The following CENPP variants were observed in gnomAD, a reference collection of about 807,000 sequenced individuals.
CENPP encodes the protein centromere protein P.
In CENPP, 24 loss-of-function variants were observed where a neutral mutation model predicts 35.6. The ratio of observed to expected loss-of-function variants is 0.67; its 90% CI spans 0.49 to 0.95. The LOEUF is 0.95. CENPP is among the 40% of genes least tolerant of loss of function. The pLI, the probability that CENPP is intolerant of heterozygous loss-of-function variation, is 0.00. For missense variants in CENPP, 332 were observed against 345.3 expected, an observed-to-expected ratio of 0.96 and a Z score of 0.31; for synonymous variants, 120 against 125.5, an observed-to-expected ratio of 0.96 and a Z score of 0.29.
At position 92,531,185 on chromosome 9, in the gene CENPP, G is replaced by A. The variant is rs545404008; in HGVS notation, c.565-80129G>A. ...TATTTGCTTTTTATTTGTCCTACAT[G>A]TTCTATGTTCCTTTTTCTGTTTTCT... On this transcript the variant is annotated intron_variant, in intron 5 of 7. Transcript: ENST00000375587. Among the ~76,000 whole-genome samples, 68 of 152,052 alleles carry A rather than the reference G, an allele frequency of 4.5e-4. No individual in the cohort carries two copies. The Middle Eastern group carries it at 0.01, about 23-fold the overall frequency.
intron 4 of CENPP, among the ~76,000 whole-genome samples, chr9:92,357,386 TA>T (rs1841617143): frequency 6.6e-6 from 1 of 151,720 alleles, no homozygotes; most frequent in Non-Finnish European, 1.5e-5. Flanking sequence ...GAGAATGTCT[TA>T]ATTTCTCCTG....
intron 5 of CENPP, among the ~76,000 whole-genome samples, chr9:92,492,539 G>A (rs1344646686): frequency 6.6e-6 from 1 of 152,188 alleles, no homozygotes; most frequent in Non-Finnish European, 1.5e-5. Flanking sequence ...GGCTTCTAAG[G>A]AGATGTACGT....
intron 5 of CENPP, among the ~76,000 whole-genome samples, chr9:92,433,081 A>G (rs1564317673): frequency 6.6e-6 from 1 of 152,210 alleles, no homozygotes; most frequent in African/African-American, 2.4e-5. Flanking sequence ...TTTTGCTACT[A>G]TAACAGAATA....
At chr9:92,450,224 T>G (rs1258503357) in intron 5 of CENPP, among the ~76,000 whole-genome samples, 2 of 150,810 alleles carry the variant, frequency 1.3e-5, no homozygotes, top group Admixed American at 1.3e-4. Flanking sequence ...TAGGTATATC[T>G]CCTAAAGCTA....
chr9:92,346,912 A>G (rs1243556104), intron 4 of CENPP, among the ~76,000 whole-genome samples: 2 of 148,552 alleles, frequency 1.3e-5, no homozygotes, highest in African/African-American at 4.9e-5. Context: ...GAAGAGGACC[A>G]TTGTCAGGTG....
Position 92,612,629 on chromosome 9 carries a change from G to A in CENPP, c.736+15G>A. 4 of 1,604,200 alleles carry A rather than the reference G, an allele frequency of 2.5e-6. No individual in the cohort carries two copies. The highest frequency in any genetic ancestry group is 3.4e-6 in the Non-Finnish European group (4 of 1,170,956). On this transcript the variant is annotated intron_variant, in intron 7 of 7. Transcript: ENST00000375587. The stretch of plus-strand genomic sequence containing the variant: ...CCCACAGCGAGGTAGGGCCCTGGGT[G>A]TGGCTGCTCTAGGTGACTTCTCAAC...
At chr9:92,382,330 T>C (rs1842270073) in intron 5 of CENPP, among the ~76,000 whole-genome samples, 1 of 152,134 alleles carries the variant, frequency 6.6e-6, no homozygotes, top group African/African-American at 2.4e-5. Flanking sequence ...TCAGGGTAAT[T>C]AGCATTTCCA....
At chr9:92,415,109 T>C (rs1843550089) in intron 5 of CENPP, 2 of 1,399,174 alleles carry the variant, frequency 1.4e-6, no homozygotes, top group Non-Finnish European at 9.8e-7. Flanking sequence ...ATATTAAGTA[T>C]AGGTTTTGTG....
intron 5 of CENPP, among the ~76,000 whole-genome samples, chr9:92,459,308 C>T (rs1443998009): frequency 6.6e-6 from 1 of 152,238 alleles, no homozygotes; most frequent in African/African-American, 2.4e-5. Flanking sequence ...TCCATGTCCT[C>T]CTGACCAGTC....
intron 5 of CENPP, among the ~76,000 whole-genome samples, chr9:92,452,464 A>G (rs987265397): frequency 5.0e-4 from 76 of 152,234 alleles, no homozygotes; most frequent in African/African-American, 1.4e-3. Context: ...TGATCATGGT[A>G]GATAAGCTTT....
intron 4 of CENPP, among the ~76,000 whole-genome samples, chr9:92,361,304 C>T (rs1490519546): frequency 6.6e-6 from 1 of 151,598 alleles, no homozygotes; most frequent in African/African-American, 2.4e-5. Flanking sequence ...CCACATCTGG[C>T]TAATTTTTGT....
chr9:92,484,574 T>C (rs1214862808), intron 5 of CENPP, among the ~76,000 whole-genome samples: 1 of 152,196 alleles, frequency 6.6e-6, no homozygotes, highest in African/African-American at 2.4e-5. Flanking sequence ...GGGTCATGTG[T>C]ATGTATTTTT....
rs1563990161 is a variant in CENPP at position 92,532,015 on chromosome 9, G to GTTTTTTTTGTT, written c.565-79291_565-79290insGTTTTTTTTTT. 1.0e-4 allele frequency among the ~76,000 whole-genome samples: 10 copies of GTTTTTTTTGTT among 95,732 alleles called. 1 individual carries two copies. Among genetic ancestry groups the GTTTTTTTTGTT allele is most frequent in the Non-Finnish European group, 1.7e-4 (9 of 51,438 alleles). The allele number at this position is 95,732 out of a possible 152,430, so 62.8% of individuals were successfully genotyped here. On this transcript the variant is annotated intron_variant, in intron 5 of 7. Transcript: ENST00000375587. ...TTTTCTTTTTCTTTTTTTATTTAAT[G>GTTTTTTTTGTT]TTTTTTTTTTTTTATTTTATTTTTT...
At chr9:92,482,327 G>C (rs1845940449) in intron 5 of CENPP, 1 of 152,106 alleles carries the variant, frequency 6.6e-6, no homozygotes, top group Non-Finnish European at 1.5e-5. Flanking sequence ...AAAAGTAGAA[G>C]TTATCCACCA....
chr9:92,554,113 G>A (rs1486075432), intron 5 of CENPP, among the ~76,000 whole-genome samples: 2 of 152,050 alleles, frequency 1.3e-5, no homozygotes, highest in African/African-American at 4.8e-5. Flanking sequence ...AGTTTTAATC[G>A]TAAAGCGATG....
chr9:92,542,072 G>A (rs147539670), intron 5 of CENPP, among the ~76,000 whole-genome samples: 7 of 152,230 alleles, frequency 4.6e-5, no homozygotes, highest in Non-Finnish European at 1.0e-4. Flanking sequence ...GATTATAGGC[G>A]TGAGCCACTG....
At chr9:92,564,364 G>C (rs1327335074) in intron 5 of CENPP, among the ~76,000 whole-genome samples, 1 of 151,810 alleles carries the variant, frequency 6.6e-6, no homozygotes, top group East Asian at 1.9e-4. Flanking sequence ...ACTCTAGCCT[G>C]GGCAACAGAA....
At chr9:92,334,201 G>T (rs1447542167) in intron 2 of CENPP, among the ~76,000 whole-genome samples, 1 of 148,872 alleles carries the variant, frequency 6.7e-6, no homozygotes, top group Non-Finnish European at 1.5e-5. Context: ...GCTTACTGCA[G>T]CCTCTGCCTC....
intron 4 of CENPP, among the ~76,000 whole-genome samples, chr9:92,348,205 C>T (rs1022884788): frequency 2.6e-5 from 4 of 151,524 alleles, no homozygotes; most frequent in African/African-American, 9.7e-5. Flanking sequence ...ATGATCCACC[C>T]ACCACGGCCT....
Sources: gnomAD v4.1 joint callset for allele counts (sites outside exome capture counted in the v4.1 genomes callset) on GRCh38, gnomAD v4.1.1 for gene constraint, MANE v1.5 for transcripts, NCBI Gene and HGNC (gene_info 2026-07-23, HGNC 2026-07-21) for gene names.